Variants in LRRC4C observed in about 807,000 individuals in gnomAD.
LRRC4C encodes leucine-rich repeat-containing protein 4C.
A neutral mutation model predicts 33.6 loss-of-function variants in LRRC4C; 5 were observed. The observed-to-expected ratio is 0.15, with a 90% CI of 0.08 to 0.31. LRRC4C has a LOEUF of 0.31. Ranked by LOEUF, LRRC4C falls within the 10% of genes least tolerant of loss-of-function variation. The pLI is 1.00. For synonymous variants in LRRC4C, 329 were observed against 302.0 expected (o/e 1.09, Z -0.93); for missense variants, 560 against 796.7 (o/e 0.70, Z 3.58).
At chr11:41,304,238 G>C (rs1220225654) in intron 1 of LRRC4C, among the ~76,000 whole-genome samples, 1 of 121,970 alleles carries the variant, frequency 8.2e-6, no homozygotes, top group African/African-American at 3.0e-5. Flanking sequence ...TCAGCCCTCC[G>C]CCCAGCCAGC....
intron 5 of LRRC4C, among the ~76,000 whole-genome samples, chr11:40,152,231 C>T (rs995301423): frequency 1.3e-5 from 2 of 152,184 alleles, no homozygotes; most frequent in African/African-American, 2.4e-5. Flanking sequence ...CTAACTTTAC[C>T]TGGAGCTCAG....
At chr11:41,336,384 C>T (rs867481533) in intron 1 of LRRC4C, among the ~76,000 whole-genome samples, 1 of 151,448 alleles carries the variant, frequency 6.6e-6, no homozygotes, top group Admixed American at 6.6e-5. Context: ...GCAAACCCTT[C>T]TCCTTCAATC....
chr11:41,354,231 A>G (rs912427492), intron 1 of LRRC4C, among the ~76,000 whole-genome samples: 1 of 152,116 alleles, frequency 6.6e-6, no homozygotes, highest in Non-Finnish European at 1.5e-5. Context: ...CACCAATAAC[A>G]TCCAAGCTAA....
chr11:40,325,927 G>T (rs1645836401), intron 3 of LRRC4C, among the ~76,000 whole-genome samples: 1 of 152,076 alleles, frequency 6.6e-6, no homozygotes, highest in African/African-American at 2.4e-5. Flanking sequence ...GAGGCCAGAG[G>T]CATGTATCTT....
chr11:40,561,849 T>C (rs1363953707), intron 3 of LRRC4C, among the ~76,000 whole-genome samples: 1 of 152,220 alleles, frequency 6.6e-6, no homozygotes, highest in Non-Finnish European at 1.5e-5. Context: ...TGGCCATTAG[T>C]TGGAATTTTC....
At chr11:40,139,942 T>C (rs1211578740) in intron 6 of LRRC4C, among the ~76,000 whole-genome samples, 3 of 152,358 alleles carry the variant, frequency 2.0e-5, no homozygotes, top group Middle Eastern at 3.4e-3. Flanking sequence ...TTAATTTGGC[T>C]GCAGGAAACC....
chr11:40,625,776 C>A (rs1010856828), intron 3 of LRRC4C, among the ~76,000 whole-genome samples: 2 of 152,042 alleles, frequency 1.3e-5, no homozygotes, highest in Admixed American at 1.3e-4. Context: ...TCTCTATTTA[C>A]CTTCAAAAAT....
chr11:40,906,736 T>C (rs779676463), intron 2 of LRRC4C, among the ~76,000 whole-genome samples: 19 of 152,026 alleles, frequency 1.2e-4, no homozygotes, highest in Non-Finnish European at 2.1e-4. Flanking sequence ...GTGTGTGTAT[T>C]TACAATAAAT....
intron 1 of LRRC4C, among the ~76,000 whole-genome samples, chr11:41,029,669 C>T (rs981227281): frequency 2.6e-5 from 4 of 151,788 alleles, no homozygotes; most frequent in Non-Finnish European, 5.9e-5. Flanking sequence ...TAAGTATCTA[C>T]TGTTTGTAGA....
At chr11:41,099,412 A>G (rs543755083) in intron 1 of LRRC4C, among the ~76,000 whole-genome samples, 383 of 152,170 alleles carry the variant, frequency 2.5e-3, no homozygotes, top group Non-Finnish European at 4.1e-3. Context: ...CTTCAGACCA[A>G]TATCCATGAA....
chr11:40,148,075 A>T (rs1857893789), intron 5 of LRRC4C, among the ~76,000 whole-genome samples: 1 of 152,278 alleles, frequency 6.6e-6, no homozygotes, highest in African/African-American at 2.4e-5. Flanking sequence ...GCTGCATAGT[A>T]TTCTATGGTA....
At chr11:40,167,561 T>C (rs1565080195) in intron 5 of LRRC4C, among the ~76,000 whole-genome samples, 1 of 152,108 alleles carries the variant, frequency 6.6e-6, no homozygotes, top group South Asian at 2.1e-4. Context: ...TTTGGGATTT[T>C]TTATCCATAG....
At chr11:40,531,254 A>T (rs1310891332) in intron 3 of LRRC4C, among the ~76,000 whole-genome samples, 1 of 152,080 alleles carries the variant, frequency 6.6e-6, no homozygotes, top group East Asian at 1.9e-4. Context: ...TGGGTAGGCT[A>T]TTTGTAGCCA....
chr11:40,471,963 T>C (rs773511272), intron 3 of LRRC4C, among the ~76,000 whole-genome samples: 3 of 152,150 alleles, frequency 2.0e-5, no homozygotes, highest in Non-Finnish European at 4.4e-5. Flanking sequence ...TGACAGTCTC[T>C]CAGACCACAG....
At chr11:40,651,239 A>C (rs1339364001) in intron 2 of LRRC4C, among the ~76,000 whole-genome samples, 2 of 152,120 alleles carry the variant, frequency 1.3e-5, no homozygotes, top group Admixed American at 6.6e-5. Context: ...TTAGAGGAAT[A>C]TTTAGGATAA....
At chr11:40,146,301 A>T (rs1181144204) in intron 5 of LRRC4C, among the ~76,000 whole-genome samples, 2 of 152,164 alleles carry the variant, frequency 1.3e-5, no homozygotes, top group Non-Finnish European at 2.9e-5. Flanking sequence ...CACAGACACA[A>T]ACACACTATA....
intron 1 of LRRC4C, among the ~76,000 whole-genome samples, chr11:40,982,338 A>C (rs1483157690): frequency 6.6e-6 from 1 of 152,262 alleles, no homozygotes; most frequent in Non-Finnish European, 1.5e-5. Flanking sequence ...AAGAATGTTA[A>C]GCAAAAATTG....
intron 2 of LRRC4C, among the ~76,000 whole-genome samples, chr11:40,651,533 C>T (rs529187180): frequency 5.3e-4 from 81 of 152,230 alleles, no homozygotes; most frequent in Admixed American, 1.9e-3. Context: ...AATAAAGTAT[C>T]CATCTATTGG....
chr11:41,178,067 G>GTC (rs1424961670), intron 1 of LRRC4C, among the ~76,000 whole-genome samples: 1 of 152,042 alleles, frequency 6.6e-6, no homozygotes, highest in Admixed American at 6.6e-5. Flanking sequence ...AATCTCCAGT[G>GTC]TCTCCCAAGC....
Sources: gnomAD v4.1 joint callset for allele counts (sites outside exome capture counted in the v4.1 genomes callset) on GRCh38, gnomAD v4.1.1 for gene constraint, MANE v1.5 for transcripts, NCBI Gene and HGNC (gene_info 2026-07-23, HGNC 2026-07-21) for gene names.